The following TGM5 variants were observed in gnomAD, a reference collection of about 807,000 sequenced individuals.
TGM5 encodes the protein protein-glutamine gamma-glutamyltransferase 5.
Under a neutral mutation model 77.2 loss-of-function variants are expected in TGM5, and 69 were observed. The observed-to-expected ratio is 0.89, with a 90% confidence interval of 0.74 to 1.09. The LOEUF is 1.09. Among genes scored for constraint, TGM5 ranks in the 50% least tolerant of loss-of-function variants. TGM5 has a pLI of 0.00. For synonymous variants in TGM5, 346 were observed against 351.8 expected (o/e 0.98, Z 0.18); for missense variants, 842 against 896.5 (o/e 0.94, Z 0.78).
At position 43,239,247 on chromosome 15, in the gene TGM5, C is replaced by T; in HGVS notation, c.1021G>A (p.Glu341Lys). The T allele has an allele frequency of 6.2e-7, 1 of 1,614,228 alleles. No individual in the cohort carries two copies. The highest frequency in any genetic ancestry group is 8.5e-7 in the Non-Finnish European group (1 of 1,180,040). The stretch of plus-strand genomic sequence containing the variant: ...AGATCCTTCCGGGCCATCCAGCACT[C>T]ATTCCAGACATGGAAGTTCCTGTGT... ...DTIWNFHVWN[E>K]CWMARKDLPP... is the part of the protein sequence containing the mutation. The change falls in exon 8 of 13, where the codon GAG becomes AAG. Residue 341 changes from glutamate to lysine, a missense_variant. Physicochemically the swap from Glu to Lys is moderately conservative, Grantham distance 56. Around this residue, in one of 2 missense-constraint regions of TGM5, gnomAD observed 815 missense variants for 844.6 expected, o/e 0.96. Transcript: ENST00000220420.
In TGM5 at chr15:43,239,074, A is replaced by G. The variant is rs1596441974; in HGVS notation, c.1106-18T>C. 3 of 1,613,540 alleles carry G rather than the reference A, an allele frequency of 1.9e-6. No individual in the cohort carries two copies. Among genetic ancestry groups the G allele is most frequent in the Non-Finnish European group, 2.5e-6 (3 of 1,179,912 alleles). ...GTAGACGCCTGAAGGAGAACAGGGG[A>G]GCCTCGGTGGGCTGTTTGTTGCAGG... On this transcript the variant is annotated intron_variant, in intron 8 of 12. Coordinates refer to ENST00000220420, the MANE Select transcript of TGM5 (RefSeq NM_201631.4).
chr15:43,262,105 C>T (rs548531252), intron 1 of TGM5, among the ~76,000 whole-genome samples: 2 of 152,264 alleles, frequency 1.3e-5, no homozygotes, highest in African/African-American at 4.8e-5. Context: ...CTCAAGGGCC[C>T]CTCACTCTCT....
chr15:43,237,786 C>T (rs193302382), intron 9 of TGM5, among the ~76,000 whole-genome samples: 3 of 152,370 alleles, frequency 2.0e-5, no homozygotes, highest in Admixed American at 2.0e-4. Context: ...GAGCTCCCAG[C>T]CAGCTGTCAC....
intron 11 of TGM5, 83 bp downstream of exon 11, chr15:43,234,686 C>T: frequency 6.3e-7 from 1 of 1,575,326 alleles, no homozygotes; most frequent in African/African-American, 1.3e-5. Flanking sequence ...CTAAGCAGGC[C>T]CAGGCTGCCC....
In TGM5 at chr15:43,244,254, G is replaced by C. The variant is rs902287376; in HGVS notation, c.863-3264C>G. On this transcript the variant is annotated intron_variant, in intron 6 of 12. Coordinates refer to ENST00000220420, the MANE Select transcript of TGM5 (RefSeq NM_201631.4). Reference sequence around the variant, plus strand: ...GTCTGCCAAATTACAAATCCCCCTAGAGTTGAGCTCATATAAGACTTTTCT... The same window carrying C: ...GTCTGCCAAATTACAAATCCCCCTACAGTTGAGCTCATATAAGACTTTTCT... 3.9e-5 allele frequency among the ~76,000 whole-genome samples: 6 copies of C among 152,176 alleles called. 1 individual carries two copies. Among genetic ancestry groups the C allele is most frequent in the Admixed American group, 3.9e-4 (6 of 15,278 alleles).
intron 1 of TGM5, 48 bp from the exon 2 acceptor site, chr15:43,260,627 C>T (rs1354602348): frequency 1.2e-6 from 2 of 1,600,336 alleles, no homozygotes; most frequent in African/African-American, 1.3e-5. Flanking sequence ...GTTGTGGAGC[C>T]AATCCTGTCC....
intron 3 of TGM5, among the ~76,000 whole-genome samples, chr15:43,259,444 T>G (rs2042768838): frequency 6.6e-6 from 1 of 151,404 alleles, no homozygotes; most frequent in African/African-American, 2.4e-5. Context: ...AAAGTTGAAT[T>G]GTTAAATTAA....
At chr15:43,243,764 C>T (rs1426765553) in intron 6 of TGM5, among the ~76,000 whole-genome samples, 1 of 152,214 alleles carries the variant, frequency 6.6e-6, no homozygotes, top group Non-Finnish European at 1.5e-5. Flanking sequence ...TCACTGAACA[C>T]ATCCCTTACT....
At chr15:43,251,828 A>G (rs2042705681) in intron 6 of TGM5, among the ~76,000 whole-genome samples, 1 of 152,118 alleles carries the variant, frequency 6.6e-6, no homozygotes, top group Non-Finnish European at 1.5e-5. Flanking sequence ...TCCATTTGCC[A>G]TCTTTTCCAC....
intron 12 of TGM5, 37 bp downstream of exon 12, chr15:43,233,517 G>GA (rs2042562565): frequency 1.2e-6 from 2 of 1,613,952 alleles, no homozygotes; most frequent in Non-Finnish European, 8.5e-7. Context: ...TCTCAGGGGG[G>GA]AAAAACAGGA....
Position 43,260,146 on chromosome 15 carries a change from C to T in TGM5, c.342G>A (p.Arg114=). Residue 114 remains arginine (R), a synonymous_variant, in exon 3 of 13, where the codon CGG becomes CGA. Transcript: ENST00000220420. ...AGTCGATGTGGATTTTCAAGAGGTA[C>T]CGACCCACGGCCGCCGTGGGAGGAG... is the stretch of plus-strand genomic sequence containing the variant. ...LCAPPTAAVG[R]YLLKIHIDSF... 1.2e-6 allele frequency: 2 copies of T among 1,614,164 alleles called. No individual in the cohort carries two copies. The highest frequency in any genetic ancestry group is 2.7e-5 in the African/African-American group (2 of 75,022).
intron 11 of TGM5, 30 bp downstream of exon 11, chr15:43,234,739 C>A (rs770004881): frequency 1.4e-5 from 22 of 1,613,920 alleles, no homozygotes; most frequent in Non-Finnish European, 1.7e-5. Flanking sequence ...CCAAGGAGCC[C>A]CACAAGCCAT....
At position 43,256,654 on chromosome 15, in the gene TGM5, T is replaced by C; in HGVS notation, c.469A>G (p.Arg157Gly). The C allele has an allele frequency of 6.2e-7, 1 of 1,614,046 alleles. No homozygotes were observed. Among genetic ancestry groups the C allele is most frequent in the Non-Finnish European group, 8.5e-7 (1 of 1,179,988 alleles). ...DAVYLDSEPQ[R>G]QEYVMNDYGF... ...TAATCATTCATGACATACTCCTGCC[T>C]CTGGGGTTCACTGTCCAAGTAGACA... Residue 157 changes from arginine to glycine, a missense_variant, in exon 4 of 13, where the codon AGG (arginine) becomes GGG (glycine). Physicochemically the swap from Arg to Gly is moderately radical, Grantham distance 125. Around this residue, in one of 2 missense-constraint regions of TGM5, gnomAD observed 815 missense variants for 844.6 expected, o/e 0.96. Transcript: ENST00000220420.
intron 6 of TGM5, among the ~76,000 whole-genome samples, chr15:43,243,678 G>A (rs185687650): frequency 6.6e-5 from 10 of 152,220 alleles, no homozygotes; most frequent in African/African-American, 1.2e-4. Flanking sequence ...AGCTCATCCC[G>A]ACTATGGCTT....
intron 6 of TGM5, 50 bp from the exon 7 acceptor site, chr15:43,241,040 C>A: frequency 1.9e-6 from 3 of 1,613,118 alleles, no homozygotes; most frequent in South Asian, 2.2e-5. Context: ...ATTCCGGACC[C>A]GTATATTCCT....
chr15:43,255,511 C>T (rs1440410767), intron 4 of TGM5, among the ~76,000 whole-genome samples: 1 of 152,132 alleles, frequency 6.6e-6, no homozygotes, highest in African/African-American at 2.4e-5. Context: ...TGAGTTGGGG[C>T]CAGTTGAGGC....
At position 43,243,782 on chromosome 15, in the gene TGM5, T is replaced by C. The variant is rs536025571; in HGVS notation, c.863-2792A>G. Among the ~76,000 whole-genome samples, 219 of 152,306 alleles carry C rather than the reference T, an allele frequency of 1.4e-3. 6 individuals carry two copies. In the South Asian group the frequency reaches 0.042, roughly 29 times the overall value. On this transcript the variant is annotated intron_variant, in intron 6 of 12. Coordinates refer to ENST00000220420, the MANE Select transcript of TGM5 (RefSeq NM_201631.4). ...CTGAACACATCCCTTACTGAACTTA[T>C]TGTCTTCCAGCCTTCTCGGTCTTCC... is the stretch of plus-strand genomic sequence containing the variant.
rs562837101 is a variant in TGM5 at position 43,239,558 on chromosome 15, T to C, written c.1002-292A>G. ...AACTAGGCATCATGGCACATGCCTATAGTCCCACCTACTTGGGAGGCTGAG... is the reference window on the plus strand; with the variant it reads ...AACTAGGCATCATGGCACATGCCTACAGTCCCACCTACTTGGGAGGCTGAG... On this transcript the variant is annotated intron_variant, in intron 7 of 12. Transcript: ENST00000220420. 5 of 440,800 alleles carry C rather than the reference T, an allele frequency of 1.1e-5. No individual in the cohort carries two copies. In the East Asian group the frequency reaches 1.9e-4, roughly 17 times the overall value. 27.3% of individuals were successfully genotyped at this position (440,800 alleles called of 1,614,324 possible). A position where few individuals can be genotyped will look rare whatever the true frequency, so the allele number is the denominator to read the frequency against.
rs565786198 is a variant in TGM5, at chr15:43,264,269, A to C, written c.10+2571T>G. On this transcript the variant is annotated intron_variant, in intron 1 of 12. Transcript: ENST00000220420. The stretch of plus-strand genomic sequence containing the variant: ...ACAAAGAGTTACCATAGGACCTAAC[A>C]ATTCGATCCCCAGGTATATACCCAA... 2.0e-5 allele frequency among the ~76,000 whole-genome samples: 3 copies of C among 152,316 alleles called. No homozygotes were observed. The East Asian group carries it at 5.8e-4, about 29-fold the overall frequency.
Sources: allele counts gnomAD v4.1 joint callset (sites outside exome capture counted in the v4.1 genomes callset), GRCh38; gene constraint gnomAD v4.1.1; regional missense constraint gnomAD v4.1.1; transcripts MANE v1.5; gene names NCBI Gene and HGNC (gene_info 2026-07-23, HGNC 2026-07-21).